The following NLGN1 variants were observed in gnomAD, a reference collection of about 807,000 sequenced individuals.
NLGN1 encodes the protein neuroligin-1.
In NLGN1, 12 loss-of-function variants were observed where a neutral mutation model predicts 65.5. The ratio of observed to expected loss-of-function variants is 0.18; its 90% CI spans 0.12 to 0.30. NLGN1 has a LOEUF of 0.30. Ranked by LOEUF, NLGN1 falls within the 10% of genes least tolerant of loss-of-function variation. The probability of loss-of-function intolerance (pLI) is 1.00; values close to 1 mark genes in which losing one functional copy is unlikely to be tolerated. For missense variants in NLGN1, 750 were observed against 1,007.1 expected (o/e 0.74, Z 3.46); for synonymous variants, 350 against 359.5 (o/e 0.97, Z 0.30).
intron 2 of NLGN1, among the ~76,000 whole-genome samples, chr3:173,517,797 T>TCTATCTATCTAC (rs1560372277): frequency 6.6e-6 from 1 of 151,740 alleles, no homozygotes; most frequent in African/African-American, 2.4e-5. Flanking sequence ...TATCTATCTA[T>TCTATCTATCTAC]CTATCATATC....
At chr3:174,258,103 G>T (rs891222416) in intron 4 of NLGN1, among the ~76,000 whole-genome samples, 11 of 151,944 alleles carry the variant, frequency 7.2e-5, no homozygotes, top group Non-Finnish European at 1.2e-4. Context: ...CTACTAGTTA[G>T]AGGTTTCTTG....
upstream of NLGN1, among the ~76,000 whole-genome samples, chr3:173,397,098 G>GT (rs138225787): frequency 0.011 from 1,627 of 151,974 alleles, 23 homozygotes; most frequent in African/African-American, 0.036. Context: ...AAACTGGGTG[G>GT]TTTTTTTTAA....
intron 4 of NLGN1, among the ~76,000 whole-genome samples, chr3:174,045,342 G>C (rs1459329683): frequency 6.6e-6 from 1 of 152,052 alleles, no homozygotes; most frequent in Admixed American, 6.5e-5. Flanking sequence ...TCACATGACA[G>C]CAGGAAGGAG....
chr3:173,423,775 C>A (rs897298379), intron 1 of NLGN1, among the ~76,000 whole-genome samples: 2 of 152,142 alleles, frequency 1.3e-5, no homozygotes, highest in Non-Finnish European at 2.9e-5. Context: ...GTGGATAATG[C>A]AAGCTGTTGG....
chr3:173,649,265 A>C (rs554254290), intron 3 of NLGN1, among the ~76,000 whole-genome samples: 1 of 152,222 alleles, frequency 6.6e-6, no homozygotes, highest in Admixed American at 6.5e-5. Context: ...ATTCCAAAGA[A>C]TATAAGAACA....
At chr3:173,436,286 A>G (rs1274932699) in intron 2 of NLGN1, among the ~76,000 whole-genome samples, 1 of 152,216 alleles carries the variant, frequency 6.6e-6, no homozygotes, top group Non-Finnish European at 1.5e-5. Flanking sequence ...ATTTCCCAAT[A>G]TTAAAATTAT....
chr3:173,515,338 A>C (rs1032856652), intron 2 of NLGN1, among the ~76,000 whole-genome samples: 1 of 152,086 alleles, frequency 6.6e-6, no homozygotes, highest in African/African-American at 2.4e-5. Flanking sequence ...TTTTAAATTA[A>C]GTTATTACTT....
At chr3:173,571,313 G>A (rs1744614063) in intron 2 of NLGN1, among the ~76,000 whole-genome samples, 2 of 152,184 alleles carry the variant, frequency 1.3e-5, no homozygotes, top group African/African-American at 4.8e-5. Flanking sequence ...GAAGTGCTTA[G>A]TGAATAGTGA....
chr3:174,096,322 C>T (rs1226693763), intron 4 of NLGN1, among the ~76,000 whole-genome samples: 1 of 151,546 alleles, frequency 6.6e-6, no homozygotes, highest in African/African-American at 2.4e-5. Context: ...CTCCATCTCC[C>T]TTGGTGACCC....
intron 4 of NLGN1, among the ~76,000 whole-genome samples, chr3:174,082,697 C>A (rs1485606729): frequency 1.3e-5 from 2 of 151,596 alleles, no homozygotes; most frequent in Non-Finnish European, 2.9e-5. Context: ...TTTATTTTTA[C>A]GTGTGTGACA....
At chr3:173,820,931 T>C (rs2150531936) in intron 4 of NLGN1, among the ~76,000 whole-genome samples, 1 of 152,310 alleles carries the variant, frequency 6.6e-6, no homozygotes. Flanking sequence ...AGTTTAACTT[T>C]GCCTTTTGAT....
chr3:173,969,064 TA>T (rs35287367), intron 4 of NLGN1, among the ~76,000 whole-genome samples: 58,082 of 150,168 alleles, frequency 0.39, 11,815 homozygotes, highest in African/African-American at 0.51. Flanking sequence ...CAAGAAGATT[TA>T]AAAAAAAAAA....
chr3:173,669,937 A>G (rs888479001), intron 3 of NLGN1, among the ~76,000 whole-genome samples: 3 of 152,234 alleles, frequency 2.0e-5, no homozygotes, highest in African/African-American at 7.2e-5. Flanking sequence ...GTTTTAAAAA[A>G]TAAAAACACA....
intron 4 of NLGN1, among the ~76,000 whole-genome samples, chr3:173,809,819 C>T (rs1035182173): frequency 1.3e-5 from 2 of 152,162 alleles, no homozygotes; most frequent in African/African-American, 2.4e-5. Context: ...TGGATTAACT[C>T]GCTAAAATAT....
chr3:174,156,079 G>A (rs1725381146), intron 4 of NLGN1, among the ~76,000 whole-genome samples: 1 of 151,870 alleles, frequency 6.6e-6, no homozygotes, highest in Admixed American at 6.6e-5. Flanking sequence ...ACTAGTTAAG[G>A]TATAAAGAGC....
At chr3:173,517,639 C>T (rs1368984025) in intron 2 of NLGN1, among the ~76,000 whole-genome samples, 1 of 152,072 alleles carries the variant, frequency 6.6e-6, no homozygotes, top group African/African-American at 2.4e-5. Context: ...TTCATCCTTC[C>T]ATATACAGTC....
chr3:173,442,672 A>G (rs1719423086), intron 2 of NLGN1, among the ~76,000 whole-genome samples: 1 of 152,210 alleles, frequency 6.6e-6, no homozygotes, highest in Admixed American at 6.5e-5. Flanking sequence ...ATTATATTAA[A>G]ATATTAACTT....
intron 3 of NLGN1, among the ~76,000 whole-genome samples, chr3:173,760,466 A>C (rs1265700761): frequency 3.3e-5 from 5 of 151,856 alleles, no homozygotes; most frequent in Non-Finnish European, 5.9e-5. Flanking sequence ...AAGACGTGAG[A>C]AGTTTTTATT....
intron 4 of NLGN1, among the ~76,000 whole-genome samples, chr3:173,928,423 C>G (rs1009368428): frequency 6.6e-6 from 1 of 152,110 alleles, no homozygotes; most frequent in Admixed American, 6.5e-5. Flanking sequence ...ACAAAATAAT[C>G]TTAAAAATAC....
Sources: gnomAD v4.1 joint callset for allele counts (sites outside exome capture counted in the v4.1 genomes callset) on GRCh38, gnomAD v4.1.1 for gene constraint, MANE v1.5 for transcripts, NCBI Gene and HGNC (gene_info 2026-07-23, HGNC 2026-07-21) for gene names.